CDKL3: variants seen among roughly 807,000 people sequenced by gnomAD.
The protein encoded by CDKL3 is cyclin-dependent kinase-like 3.
CDKL3 carries 65 observed loss-of-function variants against 69.3 expected under a neutral mutation model. That is an observed-to-expected ratio of 0.94 (90% CI 0.77 to 1.15). The LOEUF is 1.15. Ranked by LOEUF, CDKL3 falls within the 50% of genes most tolerant of loss-of-function variation. CDKL3 has a pLI of 0.00. For missense variants in CDKL3, 652 were observed against 689.2 expected (o/e 0.95, Z 0.61); for synonymous variants, 202 against 221.6 (o/e 0.91, Z 0.79).
At chr5:134,301,303 G>C (rs1766248777) in intron 12 of CDKL3, among the ~76,000 whole-genome samples, 1 of 151,974 alleles carries the variant, frequency 6.6e-6, no homozygotes, top group Non-Finnish European at 1.5e-5. Flanking sequence ...CGGCCTAATG[G>C]CATTCTTGTT....
intron 7 of CDKL3, 58 bp from the exon 8 acceptor site, chr5:134,308,785 T>C: frequency 7.3e-7 from 1 of 1,370,110 alleles, no homozygotes; most frequent in South Asian, 1.5e-5. Flanking sequence ...TGGAGTATTT[T>C]ATCTTGAATA....
chr5:134,294,163 G>A (rs1037713025), downstream of CDKL3, among the ~76,000 whole-genome samples: 2 of 152,014 alleles, frequency 1.3e-5, no homozygotes, highest in Non-Finnish European at 2.9e-5. Flanking sequence ...TACATAAAAA[G>A]AATCAAATGG....
At chr5:134,319,275 A>C in intron 6 of CDKL3, 83 bp downstream of exon 6, 1 of 1,032,054 alleles carries the variant, frequency 9.7e-7, no homozygotes, top group Non-Finnish European at 1.3e-6. Flanking sequence ...GGTTGCAGTG[A>C]GCCGAGATCA....
intron 6 of CDKL3, among the ~76,000 whole-genome samples, chr5:134,314,568 G>A (rs543831823): frequency 1.3e-5 from 2 of 152,128 alleles, no homozygotes; most frequent in East Asian, 1.9e-4. Context: ...CCATCAACAG[G>A]GAAAGGATTT....
At chr5:134,284,886 C>T (rs1274935031), downstream of CDKL3, among the ~76,000 whole-genome samples, 1 of 152,144 alleles carries the variant, frequency 6.6e-6, no homozygotes, top group African/African-American at 2.4e-5. Context: ...TTTTAGGATG[C>T]CCAGATTTCA....
intron 4 of CDKL3, 78 bp from the exon 5 acceptor site, chr5:134,321,981 A>G (rs1188005560): frequency 1.0e-5 from 8 of 780,384 alleles, no homozygotes; most frequent in African/African-American, 1.8e-5. Flanking sequence ...ATGTTTAAAG[A>G]AGGCCAAGGC....
chr5:134,328,487 T>C (rs1774953764), intron 4 of CDKL3, among the ~76,000 whole-genome samples: 1 of 151,992 alleles, frequency 6.6e-6, no homozygotes, highest in African/African-American at 2.4e-5. Flanking sequence ...AGAAATTATG[T>C]AAGCTGAAGG....
chr5:134,362,245 G>A (rs1756216991), intron 2 of CDKL3, among the ~76,000 whole-genome samples: 1 of 151,952 alleles, frequency 6.6e-6, no homozygotes, highest in African/African-American at 2.4e-5. Context: ...TTTGGGTCAG[G>A]CCGGTGGCTC....
At chr5:134,309,166 A>T (rs1348409940) in intron 7 of CDKL3, among the ~76,000 whole-genome samples, 2 of 152,062 alleles carry the variant, frequency 1.3e-5, no homozygotes, top group African/African-American at 4.8e-5. Flanking sequence ...TCTCGCCACA[A>T]CTTTCACCTC....
Position 134,306,602 on chromosome 5 carries a change from G to C in CDKL3, c.1458+7C>G. On this transcript the variant is annotated splice_region_variant and intron_variant, in intron 10 of 12. Coordinates refer to ENST00000265334, the MANE Select transcript of CDKL3 (RefSeq NM_001113575.2). ...GCCATATTTTAATGTGTAGCTTCTT[G>C]CCTTACTTGAATAGGACCTGGATCC... The C allele has an allele frequency of 6.5e-7, 1 of 1,534,314 alleles. No homozygotes were observed. The highest frequency in any genetic ancestry group is 9.0e-7 in the Non-Finnish European group (1 of 1,113,124).
chr5:134,362,806 G>A (rs1266417053), intron 2 of CDKL3, among the ~76,000 whole-genome samples: 1 of 152,024 alleles, frequency 6.6e-6, no homozygotes, highest in African/African-American at 2.4e-5. Flanking sequence ...GTACGTGCCT[G>A]TAATCCCAGC....
At chr5:134,352,296 G>A (rs1051866848) in intron 3 of CDKL3, among the ~76,000 whole-genome samples, 1 of 148,664 alleles carries the variant, frequency 6.7e-6, no homozygotes, top group Admixed American at 6.8e-5. Context: ...TGGACACTTA[G>A]GTTGATTTTT....
intron 7 of CDKL3, among the ~76,000 whole-genome samples, chr5:134,309,297 G>T (rs1768752624): frequency 6.6e-6 from 1 of 152,202 alleles, no homozygotes; most frequent in African/African-American, 2.4e-5. Flanking sequence ...GGTCAGGCTG[G>T]TCTCCAACTC....
chr5:134,319,286 C>T, intron 6 of CDKL3, 72 bp downstream of exon 6: 3 of 1,177,922 alleles, frequency 2.5e-6, no homozygotes, highest in Non-Finnish European at 3.4e-6. Flanking sequence ...GCCGAGATCA[C>T]TCCACTGCAC....
chr5:134,344,597 G>C (rs552037922), intron 4 of CDKL3, among the ~76,000 whole-genome samples: 3 of 152,230 alleles, frequency 2.0e-5, no homozygotes, highest in African/African-American at 7.2e-5. Flanking sequence ...CCCACAATGA[G>C]ATACCACTTC....
At chr5:134,352,301 A>ATT (rs796539156) in intron 3 of CDKL3, among the ~76,000 whole-genome samples, 29 of 137,498 alleles carry the variant, frequency 2.1e-4, no homozygotes, top group Admixed American at 4.4e-4. Context: ...ACTTAGGTTG[A>ATT]TTTTTTTTTT....
upstream of CDKL3, among the ~76,000 whole-genome samples, chr5:134,368,606 G>C (rs550135928): frequency 8.6e-6 from 1 of 115,998 alleles, no homozygotes; most frequent in Non-Finnish European, 1.7e-5. Context: ...GTGGCAGAGC[G>C]AGACTCCATC....
At chr5:134,313,305 C>A (rs937736692) in intron 6 of CDKL3, among the ~76,000 whole-genome samples, 1 of 152,182 alleles carries the variant, frequency 6.6e-6, no homozygotes, top group African/African-American at 2.4e-5. Context: ...GAGCCTTGAA[C>A]TCCTTGGCTC....
At chr5:134,361,396 A>G (rs1251792605) in intron 2 of CDKL3, among the ~76,000 whole-genome samples, 1 of 152,128 alleles carries the variant, frequency 6.6e-6, no homozygotes, top group Non-Finnish European at 1.5e-5. Flanking sequence ...CTAGAAAACT[A>G]TACCTTTATG....
Sources: allele counts gnomAD v4.1 joint callset (sites outside exome capture counted in the v4.1 genomes callset), GRCh38; gene constraint gnomAD v4.1.1; transcripts MANE v1.5; gene names NCBI Gene and HGNC (gene_info 2026-07-23, HGNC 2026-07-21).